DIP2A: variants seen among roughly 807,000 people sequenced by gnomAD.
DIP2A encodes the protein DIP2 acetate--CoA ligase A, also known as disco-interacting protein 2 homolog A.
In DIP2A, 85 loss-of-function variants were observed where a neutral mutation model predicts 177.4. The ratio of observed to expected loss-of-function variants is 0.48; its 90% confidence interval spans 0.40 to 0.57. The LOEUF (loss-of-function observed/expected upper bound fraction) is 0.57, where lower values mean the gene tolerates loss of function less well. Ranked by LOEUF, DIP2A falls within the 20% of genes least tolerant of loss-of-function variation. DIP2A has a pLI of 0.00. For missense variants in DIP2A, 1,791 were observed against 2,100.2 expected, an observed-to-expected ratio of 0.85 and a Z score of 2.88; for synonymous variants, 886 against 881.8, an observed-to-expected ratio of 1.00 and a Z score of -0.08.
At chr21:46,484,976 C>T (rs2056591540) in intron 2 of DIP2A, 148 bp downstream of exon 2, 1 of 689,256 alleles carries the variant, frequency 1.5e-6, no homozygotes, top group East Asian at 3.2e-5. Context: ...GAGACAGGGT[C>T]TCGCTGTGTT....
chr21:46,469,261 TGTTTATTCA>T (rs879451143), intron 1 of DIP2A: 20 of 152,364 alleles, frequency 1.3e-4, no homozygotes, highest in Admixed American at 5.9e-4. Context: ...CTTCACATGG[TGTTTATTCA>T]GTTTCAAATA....
In DIP2A at chr21:46,557,588, C is replaced by G. The variant is rs577993632; in HGVS notation, c.3633C>G (p.Val1211=). The change falls in exon 31 of 38, where the codon GTC becomes GTG. Residue 1211 remains valine (V), a synonymous_variant. Transcript: ENST00000417564. The surrounding 1 kb of genome is among the most constrained non-coding windows in gnomAD (Gnocchi z 6.0). ...TCACGAGCCTTCCCTCTCGCAGTGT[C>G]TACTCGGGACACCAATCAGTGCTGG... ...LGFALWCLCS[V]YSGHQSVLVP... is the part of the protein sequence containing the mutation. The G allele has an allele frequency of 2.0e-5, 32 of 1,610,916 alleles. No individual in the cohort carries two copies. The African/African-American group carries it at 3.7e-4, about 19-fold the overall frequency.
At chr21:46,503,508 G>T (rs2057771617) in intron 5 of DIP2A, among the ~76,000 whole-genome samples, 1 of 151,626 alleles carries the variant, frequency 6.6e-6, no homozygotes, top group African/African-American at 2.4e-5. Flanking sequence ...TTTTCATAAT[G>T]TAACAAAAAA....
At position 46,546,989 on chromosome 21, in the gene DIP2A, CGTT is replaced by C. The variant is rs1042347353; in HGVS notation, c.2472_2474del (p.Val825del). On this transcript the variant is annotated inframe_deletion, in exon 21 of 38. Coordinates refer to ENST00000417564, the MANE Select transcript of DIP2A (RefSeq NM_015151.4). ...GAGTTCGCAGACACAATGCAGATGACGTTGTGGCCACCGCACTGGCCGTGGAGC... is the reference window on the plus strand; with the variant it reads ...GAGTTCGCAGACACAATGCAGATGACGTGGCCACCGCACTGGCCGTGGAGC... The C allele has an allele frequency of 8.7e-6, 14 of 1,613,820 alleles. No homozygotes were observed. The highest frequency in any genetic ancestry group is 1.2e-5 in the Non-Finnish European group (14 of 1,179,880).
At chr21:46,460,066 T>G (rs73909540) in intron 1 of DIP2A, among the ~76,000 whole-genome samples, 1 of 152,360 alleles carries the variant, frequency 6.6e-6, no homozygotes, top group African/African-American at 2.4e-5. Flanking sequence ...CTGTGCCTCA[T>G]TTTATTATCT....
At chr21:46,554,786 G>GGGGGGCC in intron 27 of DIP2A, 36 bp from the exon 28 acceptor site, 1 of 1,519,126 alleles carries the variant, frequency 6.6e-7, no homozygotes. Flanking sequence ...AGCTTGAGAG[G>GGGGGGCC]CCCCGCCCAC....
downstream of DIP2A, among the ~76,000 whole-genome samples, chr21:46,573,483 G>A (rs1168692621): frequency 2.6e-5 from 4 of 150,970 alleles, no homozygotes; most frequent in Non-Finnish European, 5.9e-5. Flanking sequence ...AACATGAAGA[G>A]ACCACATCTC....
chr21:46,531,740 A>T (rs373490684), intron 9 of DIP2A, among the ~76,000 whole-genome samples: 1 of 152,220 alleles, frequency 6.6e-6, no homozygotes, highest in African/African-American at 2.4e-5. Context: ...TATACTTTCC[A>T]TACCAAACAT....
intron 3 of DIP2A, among the ~76,000 whole-genome samples, chr21:46,491,275 A>AT (rs55899724): frequency 0.34 from 52,014 of 152,020 alleles, 9,351 homozygotes; most frequent in Middle Eastern, 0.44. Context: ...TGAGCACGTT[A>AT]TCTATTTAAT....
Position 46,464,844 on chromosome 21 carries a change from T to TTTTTTTTTTTTCC in DIP2A, c.91+5622_91+5623insTTTTTTTTTTTCC, listed in dbSNP as rs58546395. Among the ~76,000 whole-genome samples, 123 of 111,200 alleles carry TTTTTTTTTTTTCC rather than the reference T, an allele frequency of 1.1e-3. 11 individuals are homozygous for TTTTTTTTTTTTCC. Among genetic ancestry groups the TTTTTTTTTTTTCC allele is most frequent in the African/African-American group, 3.9e-3 (94 of 23,972 alleles). The allele number at this position is 111,200 out of a possible 152,430, so 73.0% of individuals were successfully genotyped here. A position where few individuals can be genotyped will look rare whatever the true frequency, so the allele number is the denominator to read the frequency against. ...TTTTTTTTTTTTTTTTTTTTTTTTT[T>TTTTTTTTTTTTCC]CAAGAAAACACACAACAAATGTCAG... is the stretch of plus-strand genomic sequence containing the variant. On this transcript the variant is annotated intron_variant, in intron 1 of 37. Transcript: ENST00000417564.
In DIP2A at chr21:46,545,119, T is replaced by G. The variant is rs192869336; in HGVS notation, c.2177-18T>G. 1.5e-3 allele frequency: 2,393 copies of G among 1,566,972 alleles called. 3 individuals carry two copies. Among genetic ancestry groups the G allele is most frequent in the African/African-American group, 2.9e-3 (216 of 73,468 alleles). On this transcript the variant is annotated intron_variant, in intron 18 of 37. Transcript: ENST00000417564. ...TAAACACGTTCTTGATAATTTTGAG[T>G]TTTTTTTCTCATTTTAGCTAATGTA...
chr21:46,463,532 A>T (rs1349510196), intron 1 of DIP2A, among the ~76,000 whole-genome samples: 1 of 152,076 alleles, frequency 6.6e-6, no homozygotes. Flanking sequence ...CTTTTTCTTG[A>T]TTTCTTATAT....
chr21:46,578,023 G>C, the DIP2A span, among the ~76,000 whole-genome samples: 7 of 152,268 alleles, frequency 4.6e-5, no homozygotes, highest in Middle Eastern at 3.4e-3. Context: ...AGTTTAAGAA[G>C]CTTTTGGAGG....
intron 1 of DIP2A, among the ~76,000 whole-genome samples, chr21:46,469,894 TATC>T (rs1212414572): frequency 4.6e-5 from 7 of 152,206 alleles, no homozygotes; most frequent in African/African-American, 1.7e-4. Context: ...CTGCTTCTCT[TATC>T]ATCAGGGCAG....
intron 18 of DIP2A, among the ~76,000 whole-genome samples, chr21:46,543,513 C>A (rs1002673398): frequency 2.5e-4 from 19 of 76,200 alleles, no homozygotes; most frequent in Non-Finnish European, 4.8e-4. Flanking sequence ...ATGCAGCGCT[C>A]CCCCTCTGCC....
intron 8 of DIP2A, among the ~76,000 whole-genome samples, chr21:46,514,603 C>T (rs1172308231): frequency 3.8e-5 from 3 of 78,622 alleles, no homozygotes; most frequent in African/African-American, 9.6e-5. Context: ...CTTTCCAATA[C>T]TTAAACTTTT....
intron 20 of DIP2A, 163 bp downstream of exon 20, chr21:46,546,124 A>G: frequency 2.7e-6 from 4 of 1,469,212 alleles, no homozygotes; most frequent in African/African-American, 1.4e-5. Context: ...ACCTGTGTGC[A>G]GGGCCATCCA....
At chr21:46,541,078 C>T (rs951105153) in intron 17 of DIP2A, among the ~76,000 whole-genome samples, 3 of 150,450 alleles carry the variant, frequency 2.0e-5, no homozygotes, top group South Asian at 2.1e-4. Context: ...ACGCTATTGT[C>T]GTCTACAAAC....
Position 46,558,357 on chromosome 21 carries a change from G to A in DIP2A, c.3933G>A (p.Thr1311=), listed in dbSNP as rs776259531. 139 of 1,604,296 alleles carry A rather than the reference G, an allele frequency of 8.7e-5. No homozygotes were observed. The highest frequency in any genetic ancestry group is 1.6e-4 in the African/African-American group (12 of 74,852). Residue 1311 remains threonine, a synonymous_variant, in exon 32 of 38, where the codon ACG becomes ACA. Coordinates refer to ENST00000417564, the MANE Select transcript of DIP2A (RefSeq NM_015151.4). ...LGLPARAVST[T]FGCRVNVAIC... ...TGCCGGCCCGCGCCGTAAGCACCAC[G>A]TTCGGGTGCAGGGTCAACGTGGCCA... is the stretch of plus-strand genomic sequence containing the variant.
Sources: gnomAD v4.1 joint callset for allele counts (sites outside exome capture counted in the v4.1 genomes callset) on GRCh38, gnomAD v4.1.1 for gene constraint, Gnocchi (gnomAD v3.1) non-coding constraint, MANE v1.5 for transcripts, NCBI Gene and HGNC (gene_info 2026-07-23, HGNC 2026-07-21) for gene names.